Variants in ARHGAP18 observed in about 807,000 individuals in gnomAD.
The protein encoded by ARHGAP18 is rho GTPase-activating protein 18.
In ARHGAP18, 67 loss-of-function variants were observed where a neutral mutation model predicts 86.2. The ratio of observed to expected loss-of-function variants is 0.78; its 90% CI spans 0.64 to 0.95. The LOEUF is 0.95. Among genes scored for constraint, ARHGAP18 ranks in the 40% least tolerant of loss-of-function variants. The pLI, the probability that ARHGAP18 is intolerant of heterozygous loss-of-function variation, is 0.00. For synonymous variants in ARHGAP18, 283 were observed against 280.4 expected (o/e 1.01, Z -0.09); for missense variants, 691 against 780.4 (o/e 0.89, Z 1.37).
chr6:129,611,849 C>T (rs1788987159), intron 7 of ARHGAP18, among the ~76,000 whole-genome samples: 1 of 152,182 alleles, frequency 6.6e-6, no homozygotes. Context: ...TGTAATTTCA[C>T]ACAACAGCTG....
chr6:129,625,079 T>C lies in ARHGAP18; in HGVS notation c.786+4274A>G, dbSNP rs1402054075. 1.9e-5 allele frequency among the ~76,000 whole-genome samples: 2 copies of C among 102,760 alleles called. 1 individual carries two copies. Among genetic ancestry groups the C allele is most frequent in the Non-Finnish European group, 3.6e-5 (2 of 55,696 alleles). 67.4% of individuals were successfully genotyped at this position (102,760 alleles called of 152,430 possible). A position where few individuals can be genotyped will look rare whatever the true frequency, so the allele number is the denominator to read the frequency against. ...TTGATATATATTTATATATAATATA[T>C]ATGATATATGATATATGATATATAT... On this transcript the variant is annotated intron_variant, in intron 5 of 14. Coordinates refer to ENST00000368149, the MANE Select transcript of ARHGAP18 (RefSeq NM_033515.3).
chr6:129,604,468 C>T (rs1788812491), intron 10 of ARHGAP18, among the ~76,000 whole-genome samples: 1 of 152,142 alleles, frequency 6.6e-6, no homozygotes, highest in Non-Finnish European at 1.5e-5. Context: ...ACCCACTGCA[C>T]ACTGGGCATT....
Position 129,638,485 on chromosome 6 carries a change from G to A in ARHGAP18, c.461C>T (p.Thr154Met), listed in dbSNP as rs377629902. The A allele has an allele frequency of 1.1e-5, 18 of 1,614,080 alleles. No individual in the cohort carries two copies. The highest frequency in any genetic ancestry group is 4.0e-5 in the African/African-American group (3 of 75,000). Residue 154 changes from threonine to methionine, a missense_variant, in exon 3 of 15, where the codon ACG becomes ATG. Thr to Met is a moderately conservative substitution (Grantham distance 81, BLOSUM62 -1). Transcript: ENST00000368149. ...TTTTTTCCTCAAGGTCTGGGAGACC[G>A]TCTCTACTCGCTTCTGAACTGCTGC... ...QAAAVQKRVE[T>M]VSQTLRKKNK...
intron 12 of ARHGAP18, among the ~76,000 whole-genome samples, chr6:129,586,102 T>C (rs964515256): frequency 6.6e-6 from 1 of 152,214 alleles, no homozygotes; most frequent in Non-Finnish European, 1.5e-5. Flanking sequence ...ATCAATGGTG[T>C]AACATACAAC....
chr6:129,678,329 T>C (rs192890447), intron 1 of ARHGAP18, among the ~76,000 whole-genome samples: 142 of 152,346 alleles, frequency 9.3e-4, no homozygotes, highest in South Asian at 7.7e-3. Flanking sequence ...TTGATCTCTT[T>C]TCCAAATCCA....
At chr6:129,580,670 T>C (rs945829518) in intron 13 of ARHGAP18, among the ~76,000 whole-genome samples, 3 of 152,144 alleles carry the variant, frequency 2.0e-5, no homozygotes, top group Admixed American at 6.6e-5. Context: ...GTAGATCGCT[T>C]GAGCCCAGTC....
chr6:129,642,420 T>C (rs923577382), intron 1 of ARHGAP18, among the ~76,000 whole-genome samples: 5 of 152,102 alleles, frequency 3.3e-5, no homozygotes, highest in African/African-American at 1.2e-4. Context: ...GAGGAGCTAC[T>C]ACTACAGGTA....
chr6:129,644,408 G>T (rs1374563610), intron 1 of ARHGAP18, among the ~76,000 whole-genome samples: 1 of 152,068 alleles, frequency 6.6e-6, no homozygotes, highest in Non-Finnish European at 1.5e-5. Context: ...TAAATTTCTG[G>T]TTCAGCAGCT....
chr6:129,682,195 C>T (rs1478722429), intron 1 of ARHGAP18, among the ~76,000 whole-genome samples: 3 of 152,342 alleles, frequency 2.0e-5, no homozygotes, highest in East Asian at 3.9e-4. Context: ...CCCTAACCCC[C>T]GGTTTTGGCT....
rs536213638 is a variant in ARHGAP18 at position 129,655,087 on chromosome 6, A to C, written c.114-13069T>G. ...TGTAAGCCCAGCACTTTGGGAGGCCAAGGCGGGCAGATCACCTGAGCTCAG... is the reference window on the plus strand; with the variant it reads ...TGTAAGCCCAGCACTTTGGGAGGCCCAGGCGGGCAGATCACCTGAGCTCAG... On this transcript the variant is annotated intron_variant, in intron 1 of 14. Transcript: ENST00000368149. Among the ~76,000 whole-genome samples the C allele has an allele frequency of 1.1e-4, 17 of 152,246 alleles. No individual in the cohort carries two copies. The South Asian group carries it at 3.5e-3, about 32-fold the overall frequency.
At chr6:129,636,148 T>C (rs1467358120) in intron 3 of ARHGAP18, among the ~76,000 whole-genome samples, 1 of 152,226 alleles carries the variant, frequency 6.6e-6, no homozygotes, top group African/African-American at 2.4e-5. Context: ...AGTCCAGTCC[T>C]TTAACACAAG....
intron 13 of ARHGAP18, 70 bp from the exon 14 acceptor site, chr6:129,580,201 T>C (rs1788258969): frequency 7.4e-7 from 1 of 1,359,600 alleles, no homozygotes; most frequent in East Asian, 2.3e-5. Flanking sequence ...TTTAACGTGC[T>C]TGGGGAATTC....
intron 1 of ARHGAP18, among the ~76,000 whole-genome samples, chr6:129,683,504 C>T (rs1774364178): frequency 1.3e-5 from 2 of 152,150 alleles, no homozygotes; most frequent in African/African-American, 4.8e-5. Flanking sequence ...TTCATTAAAA[C>T]ATTGATCACA....
chr6:129,624,672 C>T (rs1217714256), intron 5 of ARHGAP18, among the ~76,000 whole-genome samples: 2 of 151,896 alleles, frequency 1.3e-5, no homozygotes, highest in East Asian at 1.9e-4. Context: ...AGGCCAGGCA[C>T]AGTGGCTCAT....
At chr6:129,669,228 A>G (rs986588086) in intron 1 of ARHGAP18, among the ~76,000 whole-genome samples, 22 of 151,486 alleles carry the variant, frequency 1.5e-4, no homozygotes, top group African/African-American at 4.4e-4. Context: ...CTGGAGTGCA[A>G]TGGCGAGGTC....
chr6:129,618,113 C>CA (rs59768184), intron 6 of ARHGAP18, among the ~76,000 whole-genome samples: 3,455 of 132,412 alleles, frequency 0.026, 47 homozygotes, highest in Non-Finnish European at 0.039. Context: ...ACAAAAAAAA[C>CA]AAAAAAAAAA....
chr6:129,683,055 C>CTTTTTTTTTTTTTTTTTTTTTTTTTTTT (rs199633610), intron 1 of ARHGAP18, among the ~76,000 whole-genome samples: 2 of 139,090 alleles, frequency 1.4e-5, no homozygotes. Flanking sequence ...TTTGTTTTTT[C>CTTTTTTTTTTTTTTTTTTTTTTTTTTTT]TTTTTTTTTT....
intron 10 of ARHGAP18, among the ~76,000 whole-genome samples, chr6:129,605,039 T>C (rs1309046836): frequency 6.6e-6 from 1 of 151,964 alleles, no homozygotes; most frequent in South Asian, 2.1e-4. Context: ...TCATCTTAAA[T>C]AGAAAAAAAT....
intron 7 of ARHGAP18, among the ~76,000 whole-genome samples, chr6:129,613,401 T>C (rs569983184): frequency 1.3e-5 from 2 of 152,282 alleles, no homozygotes; most frequent in Non-Finnish European, 2.9e-5. Context: ...TAACCAATAT[T>C]CAATGTATAG....
Sources: gnomAD v4.1 joint callset for allele counts (sites outside exome capture counted in the v4.1 genomes callset) on GRCh38, gnomAD v4.1.1 for gene constraint, MANE v1.5 for transcripts, NCBI Gene and HGNC (gene_info 2026-07-23, HGNC 2026-07-21) for gene names.